ATP8A2: variants seen among roughly 807,000 people sequenced by gnomAD.
ATP8A2 encodes the protein phospholipid-transporting ATPase IB.
Under a neutral mutation model 165.6 loss-of-function variants are expected in ATP8A2, and 100 were observed. The observed-to-expected ratio is 0.60, with a 90% CI of 0.51 to 0.71. ATP8A2 has a LOEUF of 0.71. Among genes scored for constraint, ATP8A2 ranks in the 30% least tolerant of loss-of-function variants. The pLI is 0.00. For missense variants in ATP8A2, 1,227 were observed against 1,479.5 expected, an observed-to-expected ratio of 0.83 and a Z score of 2.80; for synonymous variants, 543 against 548.8, an observed-to-expected ratio of 0.99 and a Z score of 0.15.
chr13:25,554,772 C>A (rs185522816), intron 12 of ATP8A2, among the ~76,000 whole-genome samples: 1 of 152,184 alleles, frequency 6.6e-6, no homozygotes, highest in Non-Finnish European at 1.5e-5. Flanking sequence ...GTTGGCCAGG[C>A]TGGTCTCGAA....
chr13:25,765,750 C>G (rs893514504), intron 25 of ATP8A2, among the ~76,000 whole-genome samples: 1 of 152,118 alleles, frequency 6.6e-6, no homozygotes, highest in African/African-American at 2.4e-5. Context: ...ACTTGAGATC[C>G]AAATCCCAGA....
At chr13:25,839,490 C>A in intron 29 of ATP8A2, 56 bp from the exon 30 acceptor site, 1 of 1,281,360 alleles carries the variant, frequency 7.8e-7, no homozygotes, top group Non-Finnish European at 1.1e-6. Context: ...TTGAGAGTTT[C>A]ACAGAGGTCA....
At position 25,581,526 on chromosome 13, in the gene ATP8A2, C is replaced by T. The variant is rs116393859; in HGVS notation, c.2008-293C>T. Among the ~76,000 whole-genome samples the T allele has an allele frequency of 4.9e-3, 747 of 152,158 alleles. 8 individuals are homozygous for T. The highest frequency in any genetic ancestry group is 0.017 in the African/African-American group (711 of 41,500). On this transcript the variant is annotated intron_variant, in intron 22 of 36. Transcript: ENST00000381655. ...GGAAGGGCTCAGGTACTGTCAGTGT[C>T]CTCGGGATAACCTGCCCATCTGCTC...
At position 25,942,304 on chromosome 13, in the gene ATP8A2, A is replaced by T. The variant is rs1250025483; in HGVS notation, c.3184-19271A>T. Among the ~76,000 whole-genome samples, 4 of 152,362 alleles carry T rather than the reference A, an allele frequency of 2.6e-5. No homozygotes were observed. The East Asian group carries it at 7.7e-4, about 29-fold the overall frequency. On this transcript the variant is annotated intron_variant, in intron 33 of 36. Transcript: ENST00000381655. ...TGTGGACATGAATGAATTTCCCAAG[A>T]GGGCATAATCTGGAATGAAATGCAC...
chr13:25,886,787 G>C (rs1346325653), intron 33 of ATP8A2, among the ~76,000 whole-genome samples: 1 of 152,202 alleles, frequency 6.6e-6, no homozygotes, highest in Non-Finnish European at 1.5e-5. Context: ...TTACTGCCAG[G>C]AGAGTGGGAA....
At chr13:25,510,941 A>G (rs1427981775) in intron 2 of ATP8A2, among the ~76,000 whole-genome samples, 5 of 152,236 alleles carry the variant, frequency 3.3e-5, no homozygotes, top group East Asian at 3.8e-4. Flanking sequence ...ATGAAAATCA[A>G]TAATCTCCTG....
At chr13:25,823,188 C>CT (rs2138578487) in intron 27 of ATP8A2, among the ~76,000 whole-genome samples, 1 of 152,184 alleles carries the variant, frequency 6.6e-6, no homozygotes, top group South Asian at 2.1e-4. Context: ...AGAATTTGAT[C>CT]TTTTTTGAAT....
At position 25,480,390 on chromosome 13, in the gene ATP8A2, C is replaced by T. The variant is rs1448500859; in HGVS notation, c.221+11269C>T. ...GGCTGCCGGGCGGAGGGGCTCCTCA[C>T]TTCTCAGACGGGGCGGTTGCCAGGC... On this transcript the variant is annotated intron_variant, in intron 2 of 36. Transcript: ENST00000381655. 3.3e-5 allele frequency among the ~76,000 whole-genome samples: 5 copies of T among 151,954 alleles called. No homozygotes were observed. In the East Asian group the frequency reaches 9.8e-4, roughly 30 times the overall value.
intron 33 of ATP8A2, among the ~76,000 whole-genome samples, chr13:25,958,574 C>T (rs537790365): frequency 3.9e-5 from 6 of 152,180 alleles, no homozygotes; most frequent in Admixed American, 1.3e-4. Context: ...ACCCACCTGA[C>T]GCTCACTTTC....
chr13:25,937,219 G>A (rs9578937), intron 33 of ATP8A2, among the ~76,000 whole-genome samples: 1,889 of 152,000 alleles, frequency 0.012, 30 homozygotes, highest in African/African-American at 0.039. Context: ...ATACAAAAAC[G>A]CAAGTAAAAC....
At chr13:25,926,692 A>G (rs1465887755) in intron 33 of ATP8A2, among the ~76,000 whole-genome samples, 1 of 152,210 alleles carries the variant, frequency 6.6e-6, no homozygotes, top group Non-Finnish European at 1.5e-5. Context: ...ACCAGTCACA[A>G]AAAACTTAAA....
chr13:25,537,891 T>C, intron 6 of ATP8A2, 97 bp from the exon 7 acceptor site: 1 of 741,938 alleles, frequency 1.3e-6, no homozygotes, highest in Non-Finnish European at 2.2e-6. Flanking sequence ...CTTAGTTATA[T>C]AATAATTTTT....
intron 24 of ATP8A2, among the ~76,000 whole-genome samples, chr13:25,617,501 G>C (rs1173508960): frequency 6.6e-6 from 1 of 152,164 alleles, no homozygotes; most frequent in Non-Finnish European, 1.5e-5. Flanking sequence ...TTTGTGAGTA[G>C]AAAATGATTT....
intron 36 of ATP8A2, among the ~76,000 whole-genome samples, chr13:26,017,567 C>T (rs574829966): frequency 3.9e-5 from 6 of 152,344 alleles, no homozygotes; most frequent in East Asian, 3.9e-4. Flanking sequence ...AGCTGGGCAA[C>T]GGAGGTTTCC....
intron 33 of ATP8A2, among the ~76,000 whole-genome samples, chr13:25,870,205 G>A (rs1952636984): frequency 1.3e-5 from 2 of 152,122 alleles, no homozygotes; most frequent in Admixed American, 6.5e-5. Flanking sequence ...CTAGACATCT[G>A]GCTTTCCAGT....
At chr13:25,411,643 A>G (rs2033967740) in intron 1 of ATP8A2, among the ~76,000 whole-genome samples, 1 of 152,202 alleles carries the variant, frequency 6.6e-6, no homozygotes, top group Non-Finnish European at 1.5e-5. Flanking sequence ...ATTGTTTTAA[A>G]AAAATACTGC....
intron 2 of ATP8A2, among the ~76,000 whole-genome samples, chr13:25,497,308 CAGAGTAGTTTTTAGGT>C (rs1295284836): frequency 6.6e-6 from 1 of 152,142 alleles, no homozygotes; most frequent in East Asian, 1.9e-4. Flanking sequence ...GAGTTAAACA[CAGAGTAGTTTTTAGGT>C]TTAATTTAAC....
At chr13:25,455,359 T>A (rs4769423) in intron 1 of ATP8A2, among the ~76,000 whole-genome samples, 13 of 152,220 alleles carry the variant, frequency 8.5e-5, no homozygotes, top group Non-Finnish European at 8.8e-5. Flanking sequence ...GCTTGGCACC[T>A]TTCCATCAGG....
chr13:25,622,480 C>T (rs983167402), intron 24 of ATP8A2, among the ~76,000 whole-genome samples: 6 of 152,186 alleles, frequency 3.9e-5, no homozygotes, highest in Non-Finnish European at 8.8e-5. Context: ...ATTCTGTCCT[C>T]TCTCCTCTGC....
Sources: gnomAD v4.1 joint callset for allele counts (sites outside exome capture counted in the v4.1 genomes callset) on GRCh38, gnomAD v4.1.1 for gene constraint, MANE v1.5 for transcripts, NCBI Gene and HGNC (gene_info 2026-07-23, HGNC 2026-07-21) for gene names.